Variants in CREBRF observed in about 807,000 individuals in gnomAD.
The protein encoded by CREBRF is UPF0474 protein C5orf41.
In CREBRF, 5 loss-of-function variants were observed where a neutral mutation model predicts 66.1. That is an observed-to-expected ratio of 0.08 (90% CI 0.04 to 0.16). The LOEUF (loss-of-function observed/expected upper bound fraction) is 0.16. Among genes scored for constraint, CREBRF ranks in the 10% least tolerant of loss-of-function variants. The pLI, the probability that CREBRF is intolerant of heterozygous loss-of-function variation, is 1.00. For missense variants in CREBRF, 531 were observed against 744.9 expected (o/e 0.71, Z 3.34); for synonymous variants, 229 against 264.4 (o/e 0.87, Z 1.30).
chr5:173,096,573 G>C (rs906503821), intron 4 of CREBRF, among the ~76,000 whole-genome samples: 27 of 142,108 alleles, frequency 1.9e-4, no homozygotes, highest in African/African-American at 7.1e-4. Context: ...AATTTCTCTA[G>C]ATAGGACTTC....
intron 4 of CREBRF, among the ~76,000 whole-genome samples, chr5:173,098,439 G>A: frequency 6.6e-6 from 1 of 152,002 alleles, no homozygotes; most frequent in East Asian, 1.9e-4. Context: ...CTGATTTCTA[G>A]TTATACAGTT....
intron 4 of CREBRF, among the ~76,000 whole-genome samples, chr5:173,104,865 A>G (rs937900104): frequency 6.6e-6 from 1 of 152,204 alleles, no homozygotes; most frequent in East Asian, 1.9e-4. Flanking sequence ...CTGGATGCCT[A>G]TAGGTAATAA....
chr5:173,057,232 G>C (rs1352768990), intron 1 of CREBRF: 1 of 112,256 alleles, frequency 8.9e-6, no homozygotes, highest in African/African-American at 3.7e-5. Context: ...GCGTGGGGGA[G>C]GCGGTGCCGC....
At chr5:173,059,585 G>C (rs1757205269) in intron 1 of CREBRF, among the ~76,000 whole-genome samples, 1 of 152,104 alleles carries the variant, frequency 6.6e-6, no homozygotes, top group Admixed American at 6.6e-5. Context: ...ATTTTATCAG[G>C]TGGCATTGTG....
At chr5:173,131,736 TTTTG>T (rs977797260) in intron 8 of CREBRF, among the ~76,000 whole-genome samples, 3 of 151,780 alleles carry the variant, frequency 2.0e-5, no homozygotes, top group African/African-American at 2.4e-5. Flanking sequence ...ACACACTTTT[TTTTG>T]TTTGTTTTTG....
At chr5:173,069,675 C>T (rs1757542317) in intron 1 of CREBRF, among the ~76,000 whole-genome samples, 2 of 152,032 alleles carry the variant, frequency 1.3e-5, no homozygotes, top group South Asian at 4.2e-4. Context: ...AGAGTTTGTT[C>T]CTCATAAAGC....
chr5:173,101,400 T>A (rs950611016), intron 4 of CREBRF, among the ~76,000 whole-genome samples: 2 of 152,046 alleles, frequency 1.3e-5, no homozygotes, highest in African/African-American at 4.8e-5. Context: ...GTTATCTCAC[T>A]CTCTTCTAGC....
At chr5:173,079,861 G>A (rs1222789271) in intron 1 of CREBRF, among the ~76,000 whole-genome samples, 1 of 152,134 alleles carries the variant, frequency 6.6e-6, no homozygotes, top group African/African-American at 2.4e-5. Flanking sequence ...TCATGGAGAA[G>A]GGAAAAAACA....
chr5:173,092,443 G>A (rs1295910377), intron 4 of CREBRF: 5 of 984,300 alleles, frequency 5.1e-6, no homozygotes, highest in South Asian at 4.7e-5. Context: ...TTTTGGCGCT[G>A]TTGGCTTGTG....
At chr5:173,085,343 G>A in intron 2 of CREBRF, 1 of 1,222,670 alleles carries the variant, frequency 8.2e-7, no homozygotes, top group East Asian at 2.3e-5. Context: ...GTTCATAGCA[G>A]CACACACCTG....
chr5:173,134,692 TC>T lies in CREBRF; in HGVS notation c.*948del. On this transcript the variant is annotated 3_prime_UTR_variant, in exon 9 of 9. Transcript: ENST00000296953. ...TGCAACTGATATGGCAAACTGCCAGTCTAAGTAAAGTTTTGCACAGCTTACA... is the reference window on the plus strand; with the variant it reads ...TGCAACTGATATGGCAAACTGCCAGTTAAGTAAAGTTTTGCACAGCTTACA... 6.6e-6 allele frequency: 1 copy of T among 152,618 alleles called. No individual in the cohort carries two copies. The highest frequency in any genetic ancestry group is 1.5e-5 in the Non-Finnish European group (1 of 68,148). 9.5% of individuals were successfully genotyped at this position (152,618 alleles called of 1,614,324 possible).
At chr5:173,062,896 CG>C (rs1167795181) in intron 1 of CREBRF, among the ~76,000 whole-genome samples, 1 of 151,558 alleles carries the variant, frequency 6.6e-6, no homozygotes, top group African/African-American at 2.4e-5. Flanking sequence ...TACAGGCGCC[CG>C]CCACTACGCC....
intron 8 of CREBRF, among the ~76,000 whole-genome samples, chr5:173,132,217 C>T (rs1396776077): frequency 4.7e-5 from 7 of 149,542 alleles, no homozygotes; most frequent in African/African-American, 1.7e-4. Flanking sequence ...TCCTGAGTAG[C>T]TGGGATTACA....
intron 1 of CREBRF, among the ~76,000 whole-genome samples, chr5:173,072,336 C>T (rs171644): frequency 0.56 from 84,310 of 151,426 alleles, 23,871 homozygotes; most frequent in African/African-American, 0.64. Flanking sequence ...AGTGCAGTGG[C>T]GCAATCTGGG....
intron 1 of CREBRF, among the ~76,000 whole-genome samples, chr5:173,077,402 AC>A (rs2113699036): frequency 6.6e-6 from 1 of 151,570 alleles, no homozygotes; most frequent in South Asian, 2.1e-4. Context: ...ATTCCTGAAC[AC>A]TTTTTTTTGA....
chr5:173,079,765 A>C (rs1171584548), intron 1 of CREBRF, among the ~76,000 whole-genome samples: 1 of 152,196 alleles, frequency 6.6e-6, no homozygotes, highest in Non-Finnish European at 1.5e-5. Context: ...AGTACTGCTG[A>C]TCCTTGGATC....
chr5:173,083,826 TATTA>T (rs1227693341), intron 2 of CREBRF, among the ~76,000 whole-genome samples: 1 of 152,252 alleles, frequency 6.6e-6, no homozygotes, highest in Non-Finnish European at 1.5e-5. Flanking sequence ...TTCTAGAAGA[TATTA>T]ATTGCTGCTC....
At position 173,066,340 on chromosome 5, in the gene CREBRF, T is replaced by C. The variant is rs181238444; in HGVS notation, c.-192+9861T>C. Among the ~76,000 whole-genome samples, 905 of 152,340 alleles carry C rather than the reference T, an allele frequency of 5.9e-3. 2 individuals are homozygous for C. Among genetic ancestry groups the C allele is most frequent in the Middle Eastern group, 0.031 (9 of 294 alleles). ...CAAAGGCCACAGTGTAGAATGTGAC[T>C]GCCTATGTGCCCTGTTTTCTATTTC... On this transcript the variant is annotated intron_variant, in intron 1 of 8. Transcript: ENST00000296953.
At chr5:173,057,315 C>G (rs949110979) in intron 1 of CREBRF, 3 of 151,730 alleles carry the variant, frequency 2.0e-5, no homozygotes, top group Non-Finnish European at 2.9e-5. Context: ...TGGGAGGGGA[C>G]CAGTGGTGGT....
Sources: gnomAD v4.1 joint callset for allele counts (sites outside exome capture counted in the v4.1 genomes callset) on GRCh38, gnomAD v4.1.1 for gene constraint, MANE v1.5 for transcripts, NCBI Gene and HGNC (gene_info 2026-07-23, HGNC 2026-07-21) for gene names.